The following KLHL13 variants were observed in gnomAD, a reference collection of about 807,000 sequenced individuals.
The protein encoded by KLHL13 is kelch-like protein 13.
A neutral mutation model predicts 37.1 loss-of-function variants in KLHL13; 10 were observed. The ratio of observed to expected loss-of-function variants is 0.27; its 90% CI spans 0.17 to 0.46. The LOEUF (loss-of-function observed/expected upper bound fraction) is 0.46. Ranked by LOEUF, KLHL13 falls within the 20% of genes least tolerant of loss-of-function variation. The pLI is 1.00. For missense variants in KLHL13, 360 were observed against 509.3 expected (o/e 0.71, Z 2.82); for synonymous variants, 163 against 181.2 (o/e 0.90, Z 0.81).
chrX:118,018,572 T>G (rs1232243259), intron 1 of KLHL13, among the ~76,000 whole-genome samples: 1 of 111,784 alleles, frequency 8.9e-6, no homozygotes, highest in African/African-American at 3.2e-5. Context: ...CCTCCTAAAT[T>G]TATGTAGAAT....
intron 1 of KLHL13, among the ~76,000 whole-genome samples, chrX:117,970,397 G>A (rs1569429605): frequency 9.0e-6 from 1 of 111,163 alleles, no homozygotes; most frequent in Non-Finnish European, 1.9e-5. Context: ...TATATATCAC[G>A]ATTTATTGAG....
intron 2 of KLHL13, among the ~76,000 whole-genome samples, chrX:117,934,761 A>C: frequency 9.0e-6 from 1 of 110,807 alleles, no homozygotes; most frequent in Middle Eastern, 4.8e-3. Context: ...AAAAATGGGT[A>C]AAGGATTTCT....
intron 6 of KLHL13, among the ~76,000 whole-genome samples, chrX:117,900,767 G>GA (rs1428448567): frequency 9.0e-6 from 1 of 111,364 alleles, no homozygotes; most frequent in Non-Finnish European, 1.9e-5. Flanking sequence ...TTCATATGGG[G>GA]AAGAATTGTC....
intron 5 of KLHL13, among the ~76,000 whole-genome samples, chrX:117,908,319 G>A (rs1014901029): frequency 2.8e-5 from 3 of 108,075 alleles, no homozygotes; most frequent in Admixed American, 1.0e-4. Flanking sequence ...AAGTATACAC[G>A]TGCCATGGTG....
chrX:118,008,048 G>C (rs1466202632), intron 1 of KLHL13, among the ~76,000 whole-genome samples: 1 of 111,685 alleles, frequency 9.0e-6, no homozygotes, highest in Non-Finnish European at 1.9e-5. Flanking sequence ...GGAAAACTTT[G>C]TCCTTTGGCT....
chrX:118,055,425 T>C (rs896685574), intron 1 of KLHL13, among the ~76,000 whole-genome samples: 1 of 112,371 alleles, frequency 8.9e-6, no homozygotes, highest in African/African-American at 3.2e-5. Flanking sequence ...ATGCATGAAC[T>C]GTCAGTTACA....
chrX:118,016,194 G>A (rs773897338), intron 1 of KLHL13, among the ~76,000 whole-genome samples: 14 of 111,700 alleles, frequency 1.3e-4, no homozygotes, highest in South Asian at 1.1e-3. Context: ...ATTCTTACAT[G>A]TGACAGATGA....
chrX:117,962,429 C>A (rs16992817), intron 1 of KLHL13, among the ~76,000 whole-genome samples: 6,490 of 109,402 alleles, frequency 0.059, 477 homozygotes, highest in African/African-American at 0.2. Flanking sequence ...AAAAAGAGTA[C>A]ACCAGCTACA....
At chrX:117,958,981 G>A (rs947652743) in intron 1 of KLHL13, among the ~76,000 whole-genome samples, 33 of 111,441 alleles carry the variant, frequency 3.0e-4, no homozygotes, top group African/African-American at 1.1e-3. Flanking sequence ...CTGCAGGGCT[G>A]GATCAGCAAT....
intron 1 of KLHL13, among the ~76,000 whole-genome samples, chrX:118,045,910 T>C (rs887811260): frequency 4.5e-5 from 5 of 112,045 alleles, no homozygotes; most frequent in Non-Finnish European, 9.4e-5. Flanking sequence ...GGCAAGGATG[T>C]AGATAAAAGG....
intron 1 of KLHL13, among the ~76,000 whole-genome samples, chrX:117,970,175 T>C (rs1160638547): frequency 2.7e-5 from 3 of 111,507 alleles, no homozygotes; most frequent in African/African-American, 9.8e-5. Context: ...TACTTCATAT[T>C]GAAATTTCAG....
At chrX:118,064,471 T>A (rs1271374276) in intron 1 of KLHL13, among the ~76,000 whole-genome samples, 1 of 111,746 alleles carries the variant, frequency 8.9e-6, no homozygotes, top group Admixed American at 9.5e-5. Flanking sequence ...ACTGCTATTT[T>A]AAAATATTGA....
exon 5 of KLHL13, chrX:117,909,544 T>C: frequency 8.3e-7 from 1 of 1,211,446 alleles, no homozygotes; most frequent in Non-Finnish European, 1.1e-6. Context: ...GGGGCATCCA[T>C]GGGGGCTAAC....
chrX:118,010,019 G>A lies in KLHL13; in HGVS notation c.-55-64444C>T, dbSNP rs763614044. 2.2e-3 allele frequency among the ~76,000 whole-genome samples: 246 copies of A among 110,193 alleles called. 1 individual carries two copies. The highest frequency in any genetic ancestry group is 7.8e-3 in the African/African-American group (237 of 30,252). On this transcript the variant is annotated intron_variant, in intron 1 of 6. Coordinates refer to the KLHL13 transcript ENST00000371882. ...CATCATCACTGGCCATCAGAGAAAT[G>A]CAAATCAAAACCACTATGAGATACC...
At chrX:118,011,766 G>C (rs1302558847) in intron 1 of KLHL13, among the ~76,000 whole-genome samples, 1 of 111,459 alleles carries the variant, frequency 9.0e-6, no homozygotes, top group Non-Finnish European at 1.9e-5. Flanking sequence ...ACATGGGATT[G>C]GACATTGGAT....
chrX:117,977,455 C>T (rs146544843), upstream of KLHL13, among the ~76,000 whole-genome samples: 8 of 111,638 alleles, frequency 7.2e-5, no homozygotes, highest in African/African-American at 2.6e-4. Flanking sequence ...TACCACCTCA[C>T]CAAATGAACT....
chrX:117,920,424 T>G (rs772204899), intron 2 of KLHL13, 54 bp from the exon 4 acceptor site: 6 of 1,131,951 alleles, frequency 5.3e-6, no homozygotes, highest in Non-Finnish European at 7.2e-6. Flanking sequence ...AGGTTACAAA[T>G]CTTCGTGTGC....
At chrX:117,980,521 T>C in intron 1 of KLHL13, among the ~76,000 whole-genome samples, 1 of 111,754 alleles carries the variant, frequency 8.9e-6, no homozygotes. Context: ...GAAGATCACC[T>C]GGTTATCCAA....
intron 2 of KLHL13, among the ~76,000 whole-genome samples, chrX:117,924,907 T>TTTTAATG (rs201725679): frequency 0.011 from 1,275 of 111,148 alleles, 57 homozygotes; most frequent in Admixed American, 0.11. Context: ...ATGTTTAATG[T>TTTTAATG]TTTAATGTTT....
Sources: allele counts gnomAD v4.1 joint callset (sites outside exome capture counted in the v4.1 genomes callset), GRCh38; gene constraint gnomAD v4.1.1; transcripts MANE v1.5; gene names NCBI Gene and HGNC (gene_info 2026-07-23, HGNC 2026-07-21).